ANKRD65: variants seen among roughly 807,000 people sequenced by gnomAD.
The protein encoded by ANKRD65 is ankyrin repeat domain-containing protein 65.
ANKRD65 carries 26 observed loss-of-function variants against 17.2 expected under a neutral mutation model. The observed-to-expected ratio is 1.51, with a 90% confidence interval of 1.11 to 2.09. ANKRD65 has a LOEUF of 2.09. Ranked by LOEUF, ANKRD65 falls within the 30% of genes most tolerant of loss-of-function variation. ANKRD65 has a pLI of 0.00. For missense variants in ANKRD65, 621 were observed against 542.2 expected, an observed-to-expected ratio of 1.15 and a Z score of -1.44; for synonymous variants, 311 against 272.2, an observed-to-expected ratio of 1.14 and a Z score of -1.40.
At chr1:1,420,025 C>T in intron 3 of ANKRD65, 27 bp downstream of exon 3, 1 of 1,262,408 alleles carries the variant, frequency 7.9e-7, no homozygotes, top group Non-Finnish European at 1.0e-6. Flanking sequence ...CCCCTCCCAT[C>T]ACTGCCGGGC....
Position 1,420,386 on chromosome 1 carries a change from G to A in ANKRD65, c.416C>T (p.Thr139Met). Residue 139 changes from threonine to methionine, a missense_variant, in exon 3 of 4, where the codon ACG becomes ATG. Coordinates refer to ENST00000537107, the MANE Select transcript of ANKRD65 (RefSeq NM_001145210.3). The part of the protein sequence containing the change: ...RGASAAARSG[T>M]GLTPLHWAAA... ...GGCCCAGTGCAGCGGCGTGAGGCCC[G>A]TCCCGGAGCGAGCCGCCGCCGAGGC... is the stretch of plus-strand genomic sequence containing the variant. 1 of 1,304,412 alleles carries A rather than the reference G, an allele frequency of 7.7e-7. No individual in the cohort carries two copies. The highest frequency in any genetic ancestry group is 9.8e-7 in the Non-Finnish European group (1 of 1,021,222). The allele number at this position is 1,304,412 out of a possible 1,614,324, so 80.8% of individuals were successfully genotyped here.
chr1:1,420,228 C>T lies in ANKRD65; in HGVS notation c.574G>A (p.Val192Met), dbSNP rs1404669201. 1.1e-5 allele frequency: 11 copies of T among 990,612 alleles called. No individual in the cohort carries two copies. The highest frequency in any genetic ancestry group is 1.3e-5 in the Non-Finnish European group (11 of 835,110). 61.4% of individuals were successfully genotyped at this position (990,612 alleles called of 1,614,324 possible). Residue 192 changes from valine to methionine, a missense_variant, in exon 3 of 4, where the codon GTG (valine) becomes ATG (methionine). Val to Met is a conservative substitution (Grantham distance 21). Coordinates refer to ENST00000537107, the MANE Select transcript of ANKRD65 (RefSeq NM_001145210.3). ...CCGCCGGCCGCCAGCAGCTCCAGCA[C>T]CGCCAGCCGCCCGCCCGCGGCCGCC... Reference protein sequence around the residue: ...HWAAAGGRLAVLELLAAGGAG... With the variant: ...HWAAAGGRLAMLELLAAGGAG...
At position 1,420,816 on chromosome 1, in the gene ANKRD65, C is replaced by T. The variant is rs1570097483; in HGVS notation, c.190G>A (p.Gly64Ser). 4 of 1,548,276 alleles carry T rather than the reference C, an allele frequency of 2.6e-6. No homozygotes were observed. In the African/African-American group the frequency reaches 5.5e-5, roughly 21 times the overall value. The change falls in exon 2 of 4, where the codon GGT (glycine) becomes AGT (serine). Residue 64 changes from glycine to serine, a missense_variant. Transcript: ENST00000537107. ...GTGCACCTCTCCTCCACGCTGGCAC[C>T]TTGCCGCAGCAGCTGCGTCACCAGG... ...AGLVTQLLRQGASVEERDHAG... is the reference protein window; with the variant it reads ...AGLVTQLLRQSASVEERDHAG...
Position 1,421,056 on chromosome 1 carries a change from C to G in ANKRD65, c.1-51G>C. On this transcript the variant is annotated intron_variant, in intron 1 of 3. Transcript: ENST00000537107. ...CCACTGTGGAGGCCTCTGGCCTGCC[C>G]CCAGCCGTGTCCCAGGCCAACTGGA... The G allele has an allele frequency of 7.8e-6, 12 of 1,530,506 alleles. No homozygotes were observed. The South Asian group carries it at 1.2e-4, about 15-fold the overall frequency. 94.8% of individuals were successfully genotyped at this position (1,530,506 alleles called of 1,614,324 possible).
chr1:1,421,137 G>A lies in ANKRD65; in HGVS notation c.-5C>T. The A allele has an allele frequency of 1.1e-6, 1 of 905,564 alleles. No homozygotes were observed. The highest frequency in any genetic ancestry group is 2.7e-5 in the East Asian group (1 of 37,690). The allele number at this position is 905,564 out of a possible 1,614,324, so 56.1% of individuals were successfully genotyped here. On this transcript the variant is annotated 5_prime_UTR_variant, in exon 1 of 4. Transcript: ENST00000537107. ...AGAGGGGCTTGGCTCTGTTACCCAA[G>A]GGAGCTGGCTCAGGAGCTTTCTGCT...
rs1053840786 is a variant in ANKRD65 at position 1,419,195 on chromosome 1, C to T, written c.1105G>A (p.Glu369Lys). The change falls in exon 4 of 4, where the codon GAG (glutamate) becomes AAG (lysine). Residue 369 changes from glutamate (E) to lysine (K), a missense_variant. Physicochemically the swap from Glu to Lys is moderately conservative, Grantham distance 56. Transcript: ENST00000537107. ...TCCCCCTCAGGCATCTGGGCCACCT[C>T]GGCCCACTGCGTCCGCAGAGTGGGG... is the stretch of plus-strand genomic sequence containing the variant. ...ASPTLRTQWA[E>K]VAQMPEGDLP... The T allele has an allele frequency of 9.7e-6, 15 of 1,549,040 alleles. No individual in the cohort carries two copies. Among genetic ancestry groups the T allele is most frequent in the African/African-American group, 5.5e-5 (4 of 73,050 alleles).
intron 2 of ANKRD65, 87 bp from the exon 3 acceptor site, chr1:1,420,679 C>T (rs1570096918): frequency 1.4e-6 from 2 of 1,403,658 alleles, no homozygotes; most frequent in Non-Finnish European, 9.3e-7. Context: ...GCCCACCCAG[C>T]GCTGGGACCC....
Position 1,419,344 on chromosome 1 carries a change from C to T in ANKRD65, c.956G>A (p.Gly319Asp). ...ASREGHVEVA[G>D]CLLDRGAQVD... ...CTGGGCACCCCTGTCCAGCAGGCAG[C>T]CGGCAACCTCCACGTGGCCTTCCCG... is the stretch of plus-strand genomic sequence containing the variant. The change falls in exon 4 of 4, where the codon GGC (glycine) becomes GAC (aspartate). Residue 319 changes from glycine (G) to aspartate (D), a missense_variant. Gly to Asp is a moderately conservative substitution (Grantham distance 94, BLOSUM62 -1). Coordinates refer to ENST00000537107, the MANE Select transcript of ANKRD65 (RefSeq NM_001145210.3). The T allele has an allele frequency of 6.5e-7, 1 of 1,550,312 alleles. No homozygotes were observed. Among genetic ancestry groups the T allele is most frequent in the Non-Finnish European group, 8.7e-7 (1 of 1,146,856 alleles).
At position 1,419,507 on chromosome 1, in the gene ANKRD65, T is replaced by C. The variant is rs1423515477; in HGVS notation, c.793A>G (p.Arg265Gly). ...AGCGCAGAGCGGCCATGCCTGTCCC[T>C]GATGCCTGGGTCTGCCCCGTGGCCC... ...LLGHGADPGI[R>G]DRHGRSALHR... is the part of the protein sequence containing the mutation. Residue 265 changes from arginine to glycine, a missense_variant, in exon 4 of 4, where the codon AGG (arginine) becomes GGG (glycine). Physicochemically the swap from Arg to Gly is moderately radical, Grantham distance 125. Coordinates refer to ENST00000537107, the MANE Select transcript of ANKRD65 (RefSeq NM_001145210.3). 1.9e-6 allele frequency: 3 copies of C among 1,542,956 alleles called. No homozygotes were observed. Among genetic ancestry groups the C allele is most frequent in the Non-Finnish European group, 2.6e-6 (3 of 1,146,080 alleles).
Position 1,420,350 on chromosome 1 carries a change from C to G in ANKRD65, c.452G>C (p.Gly151Ala). ...LTPLHWAAAL[G>A]HTLLAARLLE... ...CAGGCGCGCGGCCAGCAGCGTGTGGCCCAGGGCAGCGGCCCAGTGCAGCGG... is the reference window on the plus strand; with the variant it reads ...CAGGCGCGCGGCCAGCAGCGTGTGGGCCAGGGCAGCGGCCCAGTGCAGCGG... The change falls in exon 3 of 4, where the codon GGC (glycine) becomes GCC (alanine). Residue 151 changes from glycine to alanine, a missense_variant. Transcript: ENST00000537107. 2 of 1,215,878 alleles carry G rather than the reference C, an allele frequency of 1.6e-6. No homozygotes were observed. The highest frequency in any genetic ancestry group is 2.2e-5 in the South Asian group (1 of 45,306). The allele number at this position is 1,215,878 out of a possible 1,614,324, so 75.3% of individuals were successfully genotyped here. A position where few individuals can be genotyped will look rare whatever the true frequency, so the allele number is the denominator to read the frequency against.
intron 3 of ANKRD65, 30 bp from the exon 4 acceptor site, chr1:1,419,579 C>T: frequency 6.7e-7 from 1 of 1,492,812 alleles, no homozygotes. Flanking sequence ...CAGGGGCCGG[C>T]CTCAGCCCGG....
In ANKRD65 at chr1:1,418,570, G is replaced by A. The variant is rs1182160528; in HGVS notation, c.*530C>T. On this transcript the variant is annotated 3_prime_UTR_variant, in exon 4 of 4. Coordinates refer to ENST00000537107, the MANE Select transcript of ANKRD65 (RefSeq NM_001145210.3). ...GGGTCGTCATTGATTTGAGCAAGCA[G>A]GCGGTACGTGACAGGGGCTGCATGC... 3.9e-5 allele frequency: 6 copies of A among 152,458 alleles called. No individual in the cohort carries two copies. The highest frequency in any genetic ancestry group is 1.3e-4 in the Admixed American group (2 of 15,296). 9.4% of individuals were successfully genotyped at this position (152,458 alleles called of 1,614,324 possible). A position where few individuals can be genotyped will look rare whatever the true frequency, so the allele number is the denominator to read the frequency against.
In ANKRD65 at chr1:1,418,746, G is replaced by C. The variant is rs575907215; in HGVS notation, c.*354C>G. Reference sequence around the variant, plus strand: ...GCCAGGCAGGCGCAGGCCTGGTTTCGGGCCTAGCGCCAGGCTGCCTGCCTG... The same window carrying C: ...GCCAGGCAGGCGCAGGCCTGGTTTCCGGCCTAGCGCCAGGCTGCCTGCCTG... On this transcript the variant is annotated 3_prime_UTR_variant, in exon 4 of 4. Transcript: ENST00000537107. 9.6e-6 allele frequency: 2 copies of C among 209,200 alleles called. No homozygotes were observed. The highest frequency in any genetic ancestry group is 2.3e-5 in the African/African-American group (1 of 43,370). 13.0% of individuals were successfully genotyped at this position (209,200 alleles called of 1,614,324 possible).
chr1:1,421,014 GAGCAGGGAT>G lies in ANKRD65; in HGVS notation c.1-18_1-10del. On this transcript the variant is annotated splice_polypyrimidine_tract_variant and intron_variant, in intron 1 of 3. Transcript: ENST00000537107. ...GGCCTCTGGGAGTCCATCTGGGGGG[GAGCAGGGAT>G]CCTACATCCACTGTGGAGGCCTCTG... is the stretch of plus-strand genomic sequence containing the variant. 1 of 1,550,138 alleles carries G rather than the reference GAGCAGGGAT, an allele frequency of 6.5e-7. No homozygotes were observed. The highest frequency in any genetic ancestry group is 8.7e-7 in the Non-Finnish European group (1 of 1,146,850).
intron 2 of ANKRD65, 35 bp downstream of exon 2, chr1:1,420,762 A>G: frequency 6.6e-7 from 1 of 1,513,548 alleles, no homozygotes; most frequent in Non-Finnish European, 8.9e-7. Flanking sequence ...CCCCACCCAG[A>G]GAAGGGACCC....
Position 1,420,816 on chromosome 1 carries a change from C to G in ANKRD65, c.190G>C (p.Gly64Arg). 1.3e-6 allele frequency: 2 copies of G among 1,548,394 alleles called. No homozygotes were observed. Among genetic ancestry groups the G allele is most frequent in the Non-Finnish European group, 1.7e-6 (2 of 1,146,622 alleles). ...AGLVTQLLRQ[G>R]ASVEERDHAG... ...GTGCACCTCTCCTCCACGCTGGCAC[C>G]TTGCCGCAGCAGCTGCGTCACCAGG... The change falls in exon 2 of 4, where the codon GGT becomes CGT. Residue 64 changes from glycine to arginine, a missense_variant. Physicochemically the swap from Gly to Arg is moderately radical, Grantham distance 125. Transcript: ENST00000537107.
rs1036896116 is a variant in ANKRD65, at chr1:1,420,530, C to T, written c.272G>A (p.Arg91His). 7.7e-7 allele frequency: 1 copy of T among 1,290,968 alleles called. No homozygotes were observed. Among genetic ancestry groups the T allele is most frequent in the Non-Finnish European group, 9.7e-7 (1 of 1,026,090 alleles). 80.0% of individuals were successfully genotyped at this position (1,290,968 alleles called of 1,614,324 possible). A position where few individuals can be genotyped will look rare whatever the true frequency, so the allele number is the denominator to read the frequency against. Residue 91 changes from arginine (R) to histidine (H), a missense_variant, in exon 3 of 4, where the codon CGT becomes CAT. Physicochemically the swap from Arg to His is conservative, Grantham distance 29. Transcript: ENST00000537107. ...CGGGGCCCCTCGCTGCAGCAGGAGA[C>T]GCACCAGGGGCGCGTGGCCCCGCAG... is the stretch of plus-strand genomic sequence containing the variant. ...AVLRGHAPLV[R>H]LLLQRGAPVG...
At position 1,421,116 on chromosome 1, in the gene ANKRD65, G is replaced by A. The variant is rs1357315944; in HGVS notation, c.-1+17C>T. ...TCCAGTTACCACTTAGCCTTCAGAG[G>A]GGCTTGGCTCTGTTACCCAAGGGAG... On this transcript the variant is annotated intron_variant, in intron 1 of 3. Transcript: ENST00000537107. The A allele has an allele frequency of 5.2e-6, 6 of 1,144,160 alleles. No homozygotes were observed. Among genetic ancestry groups the A allele is most frequent in the Non-Finnish European group, 7.5e-6 (6 of 805,266 alleles). The allele number at this position is 1,144,160 out of a possible 1,614,324, so 70.9% of individuals were successfully genotyped here.
In ANKRD65 at chr1:1,419,337, C is replaced by T. The variant is rs147239403; in HGVS notation, c.963G>A (p.Leu321=). Reference sequence around the variant, plus strand: ...CATCCACCTGGGCACCCCTGTCCAGCAGGCAGCCGGCAACCTCCACGTGGC... The same window carrying T: ...CATCCACCTGGGCACCCCTGTCCAGTAGGCAGCCGGCAACCTCCACGTGGC... ...REGHVEVAGC[L]LDRGAQVDAT... Residue 321 remains leucine, a synonymous_variant, in exon 4 of 4, where the codon CTG becomes CTA. Coordinates refer to ENST00000537107, the MANE Select transcript of ANKRD65 (RefSeq NM_001145210.3). 4.5e-6 allele frequency: 7 copies of T among 1,550,288 alleles called. No individual in the cohort carries two copies. The highest frequency in any genetic ancestry group is 1.4e-5 in the African/African-American group (1 of 73,060).
Sources: allele counts gnomAD v4.1 joint callset, GRCh38; gene constraint gnomAD v4.1.1; transcripts MANE v1.5; gene names NCBI Gene and HGNC (gene_info 2026-07-23, HGNC 2026-07-21).